The following PIEZO2 variants were observed in gnomAD, a reference collection of about 807,000 sequenced individuals.
The protein encoded by PIEZO2 is piezo type mechanosensitive ion channel component 2.
PIEZO2 carries 172 observed loss-of-function variants against 337.3 expected under a neutral mutation model. The observed-to-expected ratio is 0.51, with a 90% CI of 0.45 to 0.58. The LOEUF (loss-of-function observed/expected upper bound fraction) is 0.58. Ranked by LOEUF, PIEZO2 falls within the 20% of genes least tolerant of loss-of-function variation. PIEZO2 has a pLI of 0.00. For synonymous variants in PIEZO2, 1,251 were observed against 1,228.5 expected (o/e 1.02, Z -0.38); for missense variants, 3,028 against 3,391.3 (o/e 0.89, Z 2.66).
chr18:10,741,343 G>T (rs1217994450), intron 32 of PIEZO2, among the ~76,000 whole-genome samples: 1 of 151,984 alleles, frequency 6.6e-6, no homozygotes, highest in Non-Finnish European at 1.5e-5. Context: ...GTGACTGAGG[G>T]CATACAAAGA....
intron 1 of PIEZO2, among the ~76,000 whole-genome samples, chr18:11,118,302 G>A (rs568883590): frequency 2.0e-5 from 3 of 152,150 alleles, no homozygotes; most frequent in Non-Finnish European, 2.9e-5. Flanking sequence ...AGGGGCCCTG[G>A]GGGTACAGGT....
At chr18:10,882,372 C>A (rs2042445237) in intron 4 of PIEZO2, among the ~76,000 whole-genome samples, 1 of 152,200 alleles carries the variant, frequency 6.6e-6, no homozygotes, top group South Asian at 2.1e-4. Flanking sequence ...CCTCTTCTTG[C>A]ATTTGACTTC....
rs2032691453 is a variant in PIEZO2, at chr18:10,940,913, A to G, written c.287-29685T>C. ...TATATTTTCATGGTTACCCATTACT[A>G]TAGCAAGGTTATAGAGAAAATATAT... On this transcript the variant is annotated intron_variant, in intron 3 of 55. Transcript: ENST00000674853. The surrounding 1 kb of genome is among the most constrained non-coding windows in gnomAD (Gnocchi z 5.3). Among the ~76,000 whole-genome samples the G allele has an allele frequency of 6.6e-6, 1 of 152,176 alleles. No homozygotes were observed. The highest frequency in any genetic ancestry group is 2.4e-5 in the African/African-American group (1 of 41,456).
intron 1 of PIEZO2, among the ~76,000 whole-genome samples, chr18:11,117,777 G>A (rs1413322774): frequency 2.0e-5 from 3 of 152,160 alleles, no homozygotes; most frequent in Non-Finnish European, 4.4e-5. Context: ...TCTTCTTTAG[G>A]TGTCAGTCTT....
chr18:10,876,081 G>A (rs1460194884), intron 4 of PIEZO2, among the ~76,000 whole-genome samples: 1 of 152,184 alleles, frequency 6.6e-6, no homozygotes, highest in African/African-American at 2.4e-5. Context: ...CAATAAACAG[G>A]TCATAGTCTG....
In PIEZO2 at chr18:10,982,290, C is replaced by T. The variant is rs2034697900; in HGVS notation, c.161-2630G>A. On this transcript the variant is annotated intron_variant, in intron 2 of 55. Coordinates refer to ENST00000674853, the MANE Select transcript of PIEZO2 (RefSeq NM_001378183.1). The surrounding 1 kb of genome is among the most constrained non-coding windows in gnomAD (Gnocchi z 4.1). The stretch of plus-strand genomic sequence containing the variant: ...AAGGGAGTTTATTAAGGAGTATTGA[C>T]TCACACAGTCACAAGGTGATAAAAG... 6.6e-6 allele frequency among the ~76,000 whole-genome samples: 1 copy of T among 151,862 alleles called. No individual in the cohort carries two copies. Among genetic ancestry groups the T allele is most frequent in the Non-Finnish European group, 1.5e-5 (1 of 67,982 alleles).
In PIEZO2 at chr18:10,898,278, G is replaced by A. The variant is rs573578087; in HGVS notation, c.329+12908C>T. Among the ~76,000 whole-genome samples the A allele has an allele frequency of 1.1e-4, 17 of 152,180 alleles. No individual in the cohort carries two copies. The East Asian group carries it at 1.9e-3, about 17-fold the overall frequency. ...CTACTAAAAACACAAAAAACTAGCC[G>A]GGCGTGGTGGCAGGTGCCTGTAGTC... On this transcript the variant is annotated intron_variant, in intron 4 of 55. Coordinates refer to ENST00000674853, the MANE Select transcript of PIEZO2 (RefSeq NM_001378183.1).
In PIEZO2 at chr18:10,888,496, T is replaced by C. The variant is rs2042669964; in HGVS notation, c.330-17081A>G. Reference sequence around the variant, plus strand: ...GGTATTCAGAGCTGGGCACTTGGAGTAGCATTGTTACGGGGGCGACATTGC... The same window carrying C: ...GGTATTCAGAGCTGGGCACTTGGAGCAGCATTGTTACGGGGGCGACATTGC... On this transcript the variant is annotated intron_variant, in intron 4 of 55. Transcript: ENST00000674853. This position sits in a 1 kb window ranked among gnomAD's most constrained non-coding sequence, Gnocchi z 4.1. Among the ~76,000 whole-genome samples, 1 of 152,066 alleles carries C rather than the reference T, an allele frequency of 6.6e-6. No individual in the cohort carries two copies. The highest frequency in any genetic ancestry group is 1.5e-5 in the Non-Finnish European group (1 of 68,016).
intron 34 of PIEZO2, among the ~76,000 whole-genome samples, chr18:10,736,389 G>C (rs1353797878): frequency 6.6e-6 from 1 of 152,168 alleles, no homozygotes; most frequent in Non-Finnish European, 1.5e-5. Context: ...TGAAAACCTG[G>C]GCTGTACATG....
chr18:10,944,261 TACA>T (rs955625239), intron 3 of PIEZO2, among the ~76,000 whole-genome samples: 1 of 151,690 alleles, frequency 6.6e-6, no homozygotes, highest in Admixed American at 6.6e-5. Context: ...TTATCCAAAA[TACA>T]ACATGAAGGA....
chr18:10,704,164 CGCCGTGCGTGAG>C, intron 42 of PIEZO2: 1 of 570,486 alleles, frequency 1.8e-6, no homozygotes, highest in South Asian at 2.2e-5. Flanking sequence ...TGCCAGTACC[CGCCGTGCGTGAG>C]GTGTGCAGTG....
chr18:10,680,287 T>C lies in PIEZO2; in HGVS notation c.7864A>G (p.Ile2622Val), dbSNP rs1313701671. Residue 2622 changes from isoleucine (I) to valine (V), a missense_variant, in exon 52 of 56, where the codon ATC becomes GTC. Around this residue, in one of 5 missense-constraint regions of PIEZO2, gnomAD observed 332 missense variants for 363.8 expected, o/e 0.91. Coordinates refer to ENST00000674853, the MANE Select transcript of PIEZO2 (RefSeq NM_001378183.1). ...ATTTTCTGCTTACTGGGTGGGCTGA[T>C]GGTCCACAAAGAATTTGAGTTTCCT... ...LEGNSNSLWT[I>V]SPPSKQKMIH... The C allele has an allele frequency of 1.2e-6, 2 of 1,614,010 alleles. No individual in the cohort carries two copies. Among genetic ancestry groups the C allele is most frequent in the Non-Finnish European group, 1.7e-6 (2 of 1,179,842 alleles).
intron 9 of PIEZO2, among the ~76,000 whole-genome samples, 188 bp downstream of exon 9, chr18:10,803,687 G>A (rs1426959281): frequency 1.3e-5 from 2 of 152,150 alleles, no homozygotes; most frequent in African/African-American, 2.4e-5. Context: ...TGTTCTTGAC[G>A]GGATCTGGGT....
In PIEZO2 at chr18:10,691,407, T is replaced by C. The variant is rs200747939; in HGVS notation, c.7191-24A>G. 1.3e-3 allele frequency: 2,072 copies of C among 1,605,482 alleles called. 3 individuals carry two copies. Among genetic ancestry groups the C allele is most frequent in the Non-Finnish European group, 1.6e-3 (1,937 of 1,174,702 alleles). ...TCCTAAAATGTAAAAGTACAGAAAG[T>C]GAAGCAATGAAATACTCTTCTGAAA... On this transcript the variant is annotated intron_variant, in intron 47 of 55. Coordinates refer to ENST00000674853, the MANE Select transcript of PIEZO2 (RefSeq NM_001378183.1).
chr18:11,029,694 G>C (rs916625904), intron 2 of PIEZO2, among the ~76,000 whole-genome samples: 2 of 151,976 alleles, frequency 1.3e-5, no homozygotes, highest in East Asian at 3.9e-4. Context: ...CGTTTTTTGT[G>C]TCTCAGGGCC....
In PIEZO2 at chr18:11,092,829, C is replaced by A. The variant is rs1038830694; in HGVS notation, c.65-26607G>T. On this transcript the variant is annotated intron_variant, in intron 1 of 55. Coordinates refer to ENST00000674853, the MANE Select transcript of PIEZO2 (RefSeq NM_001378183.1). This position sits in a 1 kb window ranked among gnomAD's most constrained non-coding sequence, Gnocchi z 4.5. ...CTTCTGTGGCCCCCTCATCCCTTCA[C>A]AGGGCCACATATCTGTCCAGGGAGC... Among the ~76,000 whole-genome samples, 1 of 152,226 alleles carries A rather than the reference C, an allele frequency of 6.6e-6. No individual in the cohort carries two copies. The highest frequency in any genetic ancestry group is 2.4e-5 in the African/African-American group (1 of 41,452).
Position 10,824,020 on chromosome 18 carries a change from A to G in PIEZO2, c.918-16746T>C, listed in dbSNP as rs1485778. The stretch of plus-strand genomic sequence containing the variant: ...TCAAGCCTTATCCTAAGGTCAGTGT[A>G]TATCATTCCCATGAATATTTAACTC... On this transcript the variant is annotated intron_variant, in intron 7 of 55. Coordinates refer to ENST00000674853, the MANE Select transcript of PIEZO2 (RefSeq NM_001378183.1). The surrounding 1 kb of genome is among the most constrained non-coding windows in gnomAD (Gnocchi z 4.4). Among the ~76,000 whole-genome samples, 21,317 of 152,206 alleles carry G rather than the reference A, an allele frequency of 0.14. 1,749 individuals carry two copies. Among genetic ancestry groups the G allele is most frequent in the African/African-American group, 0.24 (9,786 of 41,510 alleles).
intron 1 of PIEZO2, among the ~76,000 whole-genome samples, chr18:11,134,176 T>C (rs1159352825): frequency 1.3e-5 from 2 of 152,180 alleles, no homozygotes; most frequent in Non-Finnish European, 2.9e-5. Context: ...CCACTGGCCG[T>C]CCAGTCATGA....
At position 10,682,756 on chromosome 18, in the gene PIEZO2, T is replaced by C. The variant is rs1391807358; in HGVS notation, c.7498-464A>G. Among the ~76,000 whole-genome samples the C allele has an allele frequency of 2.4e-5, 2 of 82,486 alleles. No homozygotes were observed. The highest frequency in any genetic ancestry group is 1.6e-4 in the Admixed American group (1 of 6,382). The allele number at this position is 82,486 out of a possible 152,430, so 54.1% of individuals were successfully genotyped here. A position where few individuals can be genotyped will look rare whatever the true frequency, so the allele number is the denominator to read the frequency against. On this transcript the variant is annotated intron_variant, in intron 49 of 55. Transcript: ENST00000674853. This position sits in a 1 kb window ranked among gnomAD's most constrained non-coding sequence, Gnocchi z 5.6. Reference sequence around the variant, plus strand: ...GGGTGAAAAAACATGATTTTTAATTTAATTCATGACACGTGTTGTTAAAGA... The same window carrying C: ...GGGTGAAAAAACATGATTTTTAATTCAATTCATGACACGTGTTGTTAAAGA...
Sources: allele counts gnomAD v4.1 joint callset (sites outside exome capture counted in the v4.1 genomes callset), GRCh38; gene constraint gnomAD v4.1.1; regional missense constraint gnomAD v4.1.1; non-coding constraint Gnocchi (gnomAD v3.1); transcripts MANE v1.5; gene names NCBI Gene and HGNC (gene_info 2026-07-23, HGNC 2026-07-21).